SLC35B4: variants seen among roughly 807,000 people sequenced by gnomAD.
SLC35B4 encodes the protein nucleotide sugar transporter SLC35B4.
Under a neutral mutation model 39.5 loss-of-function variants are expected in SLC35B4, and 28 were observed. That is an observed-to-expected ratio of 0.71 (90% CI 0.53 to 0.97). The LOEUF is 0.97. SLC35B4 is among the 50% of genes least tolerant of loss of function. SLC35B4 has a pLI of 0.00. For missense variants in SLC35B4, 334 were observed against 414.3 expected, an observed-to-expected ratio of 0.81 and a Z score of 1.68; for synonymous variants, 145 against 150.4, an observed-to-expected ratio of 0.96 and a Z score of 0.26.
intron 3 of SLC35B4, among the ~76,000 whole-genome samples, chr7:134,305,473 GA>G (rs935677248): frequency 6.6e-6 from 1 of 151,938 alleles, no homozygotes; most frequent in African/African-American, 2.4e-5. Context: ...ATATTTGTTT[GA>G]AAAAAATTTG....
Position 134,289,825 on chromosome 7 carries a change from C to G in SLC35B4, c.*5008G>C, listed in dbSNP as rs1803295497. The G allele has an allele frequency of 6.6e-6, 1 of 152,202 alleles. No homozygotes were observed. The highest frequency in any genetic ancestry group is 1.9e-4 in the East Asian group (1 of 5,200). The allele number at this position is 152,202 out of a possible 1,614,324, so 9.4% of individuals were successfully genotyped here. Reference sequence around the variant, plus strand: ...TGTGCCAAAGAAATTATTACAACTTCTTTCTTAGAAAGTATCAGTATTTCT... The same window carrying G: ...TGTGCCAAAGAAATTATTACAACTTGTTTCTTAGAAAGTATCAGTATTTCT... On this transcript the variant is annotated 3_prime_UTR_variant, in exon 10 of 10. Transcript: ENST00000378509.
chr7:134,317,402 A>T (rs1044220871), upstream of SLC35B4, among the ~76,000 whole-genome samples: 2 of 152,196 alleles, frequency 1.3e-5, no homozygotes, highest in African/African-American at 4.8e-5. Context: ...ACGTCTGTAC[A>T]TTGGAATCAC....
At chr7:134,310,711 AT>A (rs928741609) in intron 1 of SLC35B4, among the ~76,000 whole-genome samples, 1 of 151,528 alleles carries the variant, frequency 6.6e-6, no homozygotes, top group African/African-American at 2.4e-5. Flanking sequence ...GGCCCGGCTA[AT>A]TTTTTTGTTT....
upstream of SLC35B4, among the ~76,000 whole-genome samples, chr7:134,318,191 C>A (rs1252228023): frequency 6.6e-6 from 1 of 152,156 alleles, no homozygotes; most frequent in Non-Finnish European, 1.5e-5. Context: ...CGCTTTAGAC[C>A]TACCAAGTCA....
Position 134,306,775 on chromosome 7 carries a change from C to T in SLC35B4, c.192-1G>A. 6.2e-7 allele frequency: 1 copy of T among 1,609,198 alleles called. No homozygotes were observed. The stretch of plus-strand genomic sequence containing the variant: ...CATGGTCACCATTATGGCATAGTAC[C>T]TGAAATGCAGACAGAACAGCTCATC... On this transcript the variant is annotated splice_acceptor_variant, in intron 2 of 9. Coordinates refer to ENST00000378509, the MANE Select transcript of SLC35B4 (RefSeq NM_032826.5). LOFTEE classifies it high-confidence loss of function.
chr7:134,301,715 A>C (rs1395205831), intron 6 of SLC35B4, 46 bp downstream of exon 6: 1 of 1,556,756 alleles, frequency 6.4e-7, no homozygotes, highest in Non-Finnish European at 8.8e-7. Flanking sequence ...AACTCAGCAA[A>C]CACAACTGCA....
chr7:134,299,484 A>G lies in SLC35B4; in HGVS notation c.673+39T>C, dbSNP rs878983850. ...GAGTAAAACTGAGACTCTGCCTCAG[A>G]AACTGTCAGGTAATTCTACTGTCTA... is the stretch of plus-strand genomic sequence containing the variant. On this transcript the variant is annotated intron_variant, in intron 8 of 9. Coordinates refer to ENST00000378509, the MANE Select transcript of SLC35B4 (RefSeq NM_032826.5). 11 of 1,516,166 alleles carry G rather than the reference A, an allele frequency of 7.3e-6. No individual in the cohort carries two copies. In the Admixed American group the frequency reaches 1.7e-4, roughly 23 times the overall value. 93.9% of individuals were successfully genotyped at this position (1,516,166 alleles called of 1,614,324 possible). A position where few individuals can be genotyped will look rare whatever the true frequency, so the allele number is the denominator to read the frequency against.
intron 1 of SLC35B4, among the ~76,000 whole-genome samples, chr7:134,314,331 T>C (rs998926893): frequency 6.6e-6 from 1 of 152,092 alleles, no homozygotes; most frequent in Non-Finnish European, 1.5e-5. Flanking sequence ...CATCACCCCC[T>C]TTTACAGTTG....
rs751288660 is a variant in SLC35B4 at position 134,296,512 on chromosome 7, T to C, written c.674-46A>G. On this transcript the variant is annotated intron_variant, in intron 8 of 9. Coordinates refer to ENST00000378509, the MANE Select transcript of SLC35B4 (RefSeq NM_032826.5). ...TATAGCCATATTGCTTTTTCACAGCTGAATTTTTCATCTTTTGAACAGGGT... is the reference window on the plus strand; with the variant it reads ...TATAGCCATATTGCTTTTTCACAGCCGAATTTTTCATCTTTTGAACAGGGT... 10 of 1,448,172 alleles carry C rather than the reference T, an allele frequency of 6.9e-6. No individual in the cohort carries two copies. In the South Asian group the frequency reaches 1.2e-4, roughly 17 times the overall value. The allele number at this position is 1,448,172 out of a possible 1,614,324, so 89.7% of individuals were successfully genotyped here.
At chr7:134,315,647 A>C (rs1803954834) in intron 1 of SLC35B4, among the ~76,000 whole-genome samples, 1 of 151,266 alleles carries the variant, frequency 6.6e-6, no homozygotes, top group Admixed American at 6.6e-5. Context: ...AAATCCAAAA[A>C]AAAAACAAAA....
At chr7:134,308,574 G>A (rs2544222) in intron 2 of SLC35B4, among the ~76,000 whole-genome samples, 14,860 of 152,206 alleles carry the variant, frequency 0.098, 1,918 homozygotes, top group African/African-American at 0.29. Context: ...AGCAGGCTAC[G>A]TAAGAATGCT....
At chr7:134,308,116 A>G (rs1803751752) in intron 2 of SLC35B4, among the ~76,000 whole-genome samples, 1 of 152,198 alleles carries the variant, frequency 6.6e-6, no homozygotes, top group Non-Finnish European at 1.5e-5. Flanking sequence ...CACATAGGAC[A>G]TGCATGAGAA....
chr7:134,317,549 A>G (rs1184540854), upstream of SLC35B4, among the ~76,000 whole-genome samples: 1 of 152,074 alleles, frequency 6.6e-6, no homozygotes, highest in African/African-American at 2.4e-5. Flanking sequence ...CCCTTCCTTT[A>G]CCTCCGTGGT....
At chr7:134,318,470 C>T (rs1207127438), upstream of SLC35B4, among the ~76,000 whole-genome samples, 2 of 109,710 alleles carry the variant, frequency 1.8e-5, no homozygotes, top group Admixed American at 2.0e-4. Flanking sequence ...CATATATACA[C>T]ACACACATAT....
At chr7:134,303,635 C>T (rs1416080030) in intron 4 of SLC35B4, among the ~76,000 whole-genome samples, 1 of 152,182 alleles carries the variant, frequency 6.6e-6, no homozygotes, top group East Asian at 1.9e-4. Flanking sequence ...CTTAAAAACT[C>T]TAGGTTCTCA....
rs1563213456 is a variant in SLC35B4, at chr7:134,294,892, CCT to C, written c.935_936del (p.Glu312GlyfsTer11). 2 of 1,614,186 alleles carry C rather than the reference CCT, an allele frequency of 1.2e-6. No homozygotes were observed. The highest frequency in any genetic ancestry group is 1.1e-5 in the South Asian group (1 of 91,066). On this transcript the variant is annotated frameshift_variant, in exon 10 of 10. Coordinates refer to ENST00000378509, the MANE Select transcript of SLC35B4 (RefSeq NM_032826.5). LOFTEE classifies it high-confidence loss of function. ...TTTGTGGTCCCTAGGTTGTTCCACA[CCT>C]CTGTGTACATTAAGGTCCCAATGAA... ...FVFIGTLMYT[E>X]VWNNLGTTKS... is the part of the protein sequence containing the mutation.
rs578201621 is a variant in SLC35B4 at position 134,311,862 on chromosome 7, A to T, written c.78-2383T>A. On this transcript the variant is annotated intron_variant, in intron 1 of 9. Transcript: ENST00000378509. ...TATGTGAGTGCATGTGTCGCTGTAT[A>T]TGTGAATGCACAGGTAGTTCTCAGG... Among the ~76,000 whole-genome samples the T allele has an allele frequency of 1.4e-3, 214 of 152,312 alleles. 1 individual carries two copies. Among genetic ancestry groups the T allele is most frequent in the African/African-American group, 4.9e-3 (203 of 41,576 alleles).
rs1483881338 is a variant in SLC35B4 at position 134,292,355 on chromosome 7, TTTGGGGCTTTCTGC to T, written c.*2464_*2477del. 6.6e-6 allele frequency: 1 copy of T among 152,502 alleles called. No individual in the cohort carries two copies. The highest frequency in any genetic ancestry group is 1.9e-4 in the East Asian group (1 of 5,178). 9.4% of individuals were successfully genotyped at this position (152,502 alleles called of 1,614,324 possible). A position where few individuals can be genotyped will look rare whatever the true frequency, so the allele number is the denominator to read the frequency against. ...TAGAGAAAAAACAGTTCCCAGGGAA[TTTGGGGCTTTCTGC>T]TTCTATATGTGGTCATCTTGTGCGA... On this transcript the variant is annotated 3_prime_UTR_variant, in exon 10 of 10. Coordinates refer to ENST00000378509, the MANE Select transcript of SLC35B4 (RefSeq NM_032826.5).
Position 134,316,676 on chromosome 7 carries a change from G to C in SLC35B4, c.76C>G (p.Arg26Gly), listed in dbSNP as rs952928662. Reference protein sequence around the residue: ...SNVIFLELLARKHPGCGNIVT... With the variant: ...SNVIFLELLAGKHPGCGNIVT... ...GTGCGGCCCGAGCGGGTCACTCACC[G>C]GGCCAGGAGCTCTAGGAAGATCACG... The change falls in exon 1 of 10, where the codon CGG becomes GGG. Residue 26 changes from arginine to glycine, a missense_variant and splice_region_variant. Transcript: ENST00000378509. The C allele has an allele frequency of 5.2e-6, 8 of 1,550,174 alleles. No homozygotes were observed. The highest frequency in any genetic ancestry group is 2.0e-5 in the Admixed American group (1 of 51,006).
Sources: allele counts gnomAD v4.1 joint callset (sites outside exome capture counted in the v4.1 genomes callset), GRCh38; gene constraint gnomAD v4.1.1; transcripts MANE v1.5; gene names NCBI Gene and HGNC (gene_info 2026-07-23, HGNC 2026-07-21).